The following DIAPH2 variants were observed in gnomAD, a reference collection of about 807,000 sequenced individuals.
The protein encoded by DIAPH2 is protein diaphanous homolog 2.
In DIAPH2, 35 loss-of-function variants were observed where a neutral mutation model predicts 92.7. That is an observed-to-expected ratio of 0.38 (90% CI 0.29 to 0.50). DIAPH2 has a LOEUF of 0.50. DIAPH2 is among the 20% of genes least tolerant of loss of function. DIAPH2 has a pLI of 0.94. For missense variants in DIAPH2, 701 were observed against 819.5 expected, an observed-to-expected ratio of 0.86 and a Z score of 1.77; for synonymous variants, 301 against 280.4, an observed-to-expected ratio of 1.07 and a Z score of -0.73.
intron 25 of DIAPH2, among the ~76,000 whole-genome samples, chrX:97,403,492 C>G (rs760488824): frequency 8.9e-6 from 1 of 112,236 alleles, no homozygotes; most frequent in East Asian, 2.8e-4. Flanking sequence ...TCAAATTTCT[C>G]ACAGATTTTG....
At chrX:97,569,742 A>C (rs1410318962) in intron 26 of DIAPH2, among the ~76,000 whole-genome samples, 1 of 110,393 alleles carries the variant, frequency 9.1e-6, no homozygotes, top group Non-Finnish European at 1.9e-5. Flanking sequence ...CCAGATGATC[A>C]TGGTCTGTCA....
intron 26 of DIAPH2, among the ~76,000 whole-genome samples, chrX:97,521,832 G>T (rs372265717): frequency 1.8e-4 from 20 of 111,874 alleles, no homozygotes; most frequent in African/African-American, 6.5e-4. Flanking sequence ...CATAGGAATG[G>T]ACTAATACAA....
At chrX:96,898,114 C>T (rs1274445443) in intron 5 of DIAPH2, among the ~76,000 whole-genome samples, 1 of 94,527 alleles carries the variant, frequency 1.1e-5, no homozygotes, top group African/African-American at 3.8e-5. Context: ...TTTTCTTAAT[C>T]CAGTCTATCA....
At chrX:97,589,025 AT>A (rs1319831781) in intron 26 of DIAPH2, among the ~76,000 whole-genome samples, 1 of 86,033 alleles carries the variant, frequency 1.2e-5, no homozygotes, top group Non-Finnish European at 2.3e-5. Flanking sequence ...ATATATATAT[AT>A]AAAAGAATCA....
chrX:96,798,074 G>A (rs771990153), intron 4 of DIAPH2, among the ~76,000 whole-genome samples: 1 of 112,361 alleles, frequency 8.9e-6, no homozygotes, highest in African/African-American at 3.2e-5. Context: ...GGTTGAATCT[G>A]TGGCTGTGAA....
intron 22 of DIAPH2, among the ~76,000 whole-genome samples, chrX:97,198,794 T>C (rs1342102475): frequency 9.0e-6 from 1 of 111,460 alleles, no homozygotes; most frequent in East Asian, 2.8e-4. Flanking sequence ...GGTCTTCTGT[T>C]ATCGTAAAGT....
At chrX:97,357,672 G>A (rs1476147668) in intron 24 of DIAPH2, among the ~76,000 whole-genome samples, 7 of 111,795 alleles carry the variant, frequency 6.3e-5, no homozygotes, top group African/African-American at 9.8e-5. Flanking sequence ...TGCTGATCTC[G>A]AAGGATATGT....
intron 22 of DIAPH2, among the ~76,000 whole-genome samples, chrX:97,159,138 A>G (rs2067346355): frequency 8.9e-6 from 1 of 111,854 alleles, no homozygotes; most frequent in South Asian, 3.7e-4. Flanking sequence ...ATGCTGCTAT[A>G]GTTAAGGTTG....
At chrX:97,566,284 T>C (rs998692061) in intron 26 of DIAPH2, among the ~76,000 whole-genome samples, 1 of 112,066 alleles carries the variant, frequency 8.9e-6, no homozygotes, top group African/African-American at 3.2e-5. Flanking sequence ...AGGATAGGAA[T>C]AGAGATTTTC....
intron 26 of DIAPH2, among the ~76,000 whole-genome samples, chrX:97,485,533 G>A (rs1048498416): frequency 1.8e-5 from 2 of 112,743 alleles, no homozygotes; most frequent in African/African-American, 3.2e-5. Flanking sequence ...GACCGTGATT[G>A]TATTCTCATT....
At chrX:97,045,839 T>G (rs1449041549) in intron 17 of DIAPH2, among the ~76,000 whole-genome samples, 3 of 97,651 alleles carry the variant, frequency 3.1e-5, no homozygotes, top group Admixed American at 1.1e-4. Flanking sequence ...GGTATTAGGG[T>G]ATTTTAGGAT....
chrX:97,292,613 C>G (rs1038818702), intron 23 of DIAPH2, among the ~76,000 whole-genome samples: 2 of 104,302 alleles, frequency 1.9e-5, no homozygotes, highest in Non-Finnish European at 3.9e-5. Flanking sequence ...GTGGGGCGAT[C>G]TTGGCTCACT....
intron 4 of DIAPH2, among the ~76,000 whole-genome samples, chrX:96,761,007 A>T (rs1170044032): frequency 3.6e-5 from 4 of 110,437 alleles, no homozygotes; most frequent in Admixed American, 9.6e-5. Context: ...ACCACAAATA[A>T]CCTGGAAGAG....
At chrX:97,098,124 T>G (rs2066881488) in intron 19 of DIAPH2, among the ~76,000 whole-genome samples, 1 of 111,839 alleles carries the variant, frequency 8.9e-6, no homozygotes, top group Middle Eastern at 4.6e-3. Context: ...GTACTTATAG[T>G]AGGGGTATAG....
chrX:97,528,804 A>C (rs1271826206), intron 26 of DIAPH2: 1 of 111,700 alleles, frequency 9.0e-6, no homozygotes, highest in Non-Finnish European at 1.9e-5. Context: ...CTACCTTCTA[A>C]GTGTCAAAGG....
intron 23 of DIAPH2, among the ~76,000 whole-genome samples, chrX:97,265,119 G>A (rs1037480936): frequency 2.7e-5 from 3 of 111,981 alleles, no homozygotes; most frequent in Non-Finnish European, 5.6e-5. Context: ...TAAGCACAGA[G>A]TAAGAATTTC....
At chrX:97,193,435 A>C (rs2067673007) in intron 22 of DIAPH2, among the ~76,000 whole-genome samples, 2 of 111,803 alleles carry the variant, frequency 1.8e-5, no homozygotes, top group African/African-American at 6.5e-5. Flanking sequence ...TTATGCAGTT[A>C]ATTTAGTTTC....
At chrX:96,947,437 G>A (rs1472335314) in intron 14 of DIAPH2, among the ~76,000 whole-genome samples, 1 of 111,020 alleles carries the variant, frequency 9.0e-6, no homozygotes, top group African/African-American at 3.3e-5. Flanking sequence ...GTAGGAAAAC[G>A]AGGTCATTGA....
At chrX:97,421,106 T>A (rs2070003761) in intron 25 of DIAPH2, among the ~76,000 whole-genome samples, 1 of 112,139 alleles carries the variant, frequency 8.9e-6, no homozygotes, top group African/African-American at 3.2e-5. Flanking sequence ...TATAAGTTGC[T>A]GAGGTTTTTT....
Sources: gnomAD v4.1 joint callset for allele counts (sites outside exome capture counted in the v4.1 genomes callset) on GRCh38, gnomAD v4.1.1 for gene constraint, MANE v1.5 for transcripts, NCBI Gene and HGNC (gene_info 2026-07-23, HGNC 2026-07-21) for gene names.